Variants in TENM3 observed in about 807,000 individuals in gnomAD.
TENM3 encodes the protein teneurin-3.
A neutral mutation model predicts 255.1 loss-of-function variants in TENM3; 63 were observed. The observed-to-expected ratio is 0.25, with a 90% CI of 0.20 to 0.30. TENM3 has a LOEUF of 0.30. Ranked by LOEUF, TENM3 falls within the 10% of genes least tolerant of loss-of-function variation. The pLI, the probability that TENM3 is intolerant of heterozygous loss-of-function variation, is 1.00. For missense variants in TENM3, 2,929 were observed against 3,461.1 expected (o/e 0.85, Z 3.86); for synonymous variants, 1,306 against 1,322.3 (o/e 0.99, Z 0.27).
intron 3 of TENM3, among the ~76,000 whole-genome samples, chr4:182,369,338 C>A (rs138699381): frequency 3.7e-4 from 56 of 152,302 alleles, no homozygotes; most frequent in African/African-American, 1.3e-3. Flanking sequence ...GCTAAGGTCA[C>A]ACAGATACTG....
At chr4:181,980,941 AAGAAACAC>A in the TENM3 span, among the ~76,000 whole-genome samples, 750 of 152,310 alleles carry the variant, frequency 4.9e-3, 5 homozygotes, top group African/African-American at 0.018. Flanking sequence ...ATGATATTTC[AAGAAACAC>A]AGAACCACAA....
chr4:182,374,568 A>T, intron 3 of TENM3, among the ~76,000 whole-genome samples: 1 of 152,154 alleles, frequency 6.6e-6, no homozygotes, highest in East Asian at 1.9e-4. Flanking sequence ...CCATTTCCAA[A>T]TCACTTCCAA....
chr4:181,591,060 C>G, the TENM3 span, among the ~76,000 whole-genome samples: 1 of 152,214 alleles, frequency 6.6e-6, no homozygotes, highest in Non-Finnish European at 1.5e-5. Flanking sequence ...GAGTCTTATG[C>G]AACCTTTGGT....
At chr4:182,464,077 A>G (rs556306592) in intron 3 of TENM3, among the ~76,000 whole-genome samples, 3 of 152,350 alleles carry the variant, frequency 2.0e-5, no homozygotes, top group African/African-American at 7.2e-5. Flanking sequence ...ATAAACATAT[A>G]TAATTGTTCA....
chr4:182,636,371 C>G (rs1751843531), intron 5 of TENM3, among the ~76,000 whole-genome samples: 1 of 152,134 alleles, frequency 6.6e-6, no homozygotes, highest in African/African-American at 2.4e-5. Context: ...GTAAGCTCCT[C>G]CTCTCCCCAC....
intron 1 of TENM3, among the ~76,000 whole-genome samples, chr4:182,177,725 A>C (rs1752588375): frequency 6.6e-6 from 1 of 151,442 alleles, no homozygotes; most frequent in African/African-American, 2.4e-5. Context: ...ACAGGGTTTC[A>C]CCATGTTGTC....
the TENM3 span, among the ~76,000 whole-genome samples, chr4:182,100,874 T>TATATATACTCATATATATAC: frequency 1.3e-4 from 5 of 39,572 alleles, 2 homozygotes; most frequent in African/African-American, 7.3e-4. Flanking sequence ...TATATATATA[T>TATATATACTCATATATATAC]AGAGAGAGAG....
At chr4:181,555,064 G>A in the TENM3 span, among the ~76,000 whole-genome samples, 1 of 152,132 alleles carries the variant, frequency 6.6e-6, no homozygotes, top group Admixed American at 6.5e-5. Context: ...TTTAAAGTAT[G>A]AACCTTTTCT....
At chr4:181,956,911 T>C in the TENM3 span, among the ~76,000 whole-genome samples, 1 of 152,208 alleles carries the variant, frequency 6.6e-6, no homozygotes, top group African/African-American at 2.4e-5. Context: ...CAAGTTATGT[T>C]AGTAAGGAGA....
the TENM3 span, among the ~76,000 whole-genome samples, chr4:181,830,254 CT>C: frequency 3.9e-5 from 6 of 152,036 alleles, no homozygotes; most frequent in South Asian, 1.2e-3. Flanking sequence ...GCTGCTGCTG[CT>C]TTTTTTGTTT....
At chr4:182,412,212 T>C (rs1368624050) in intron 3 of TENM3, among the ~76,000 whole-genome samples, 4 of 152,116 alleles carry the variant, frequency 2.6e-5, no homozygotes, top group Non-Finnish European at 4.4e-5. Context: ...TGAGTGCAGA[T>C]ACTTCCAGAC....
At chr4:182,173,133 G>C (rs992139776) in intron 1 of TENM3, among the ~76,000 whole-genome samples, 8 of 152,162 alleles carry the variant, frequency 5.3e-5, no homozygotes, top group African/African-American at 1.9e-4. Flanking sequence ...TGTCAAATGG[G>C]AGTGGAGAAT....
chr4:182,736,872 C>T lies in TENM3; in HGVS notation c.3032C>T (p.Ala1011Val). The T allele has an allele frequency of 6.2e-7, 1 of 1,613,764 alleles. No individual in the cohort carries two copies. The highest frequency in any genetic ancestry group is 8.5e-7 in the Non-Finnish European group (1 of 1,179,740). ...AAACTCTCCTACTTGAGTTCCAGAG[C>T]TGCAGGGTATAAGTCAGTTCTCAAG... is the stretch of plus-strand genomic sequence containing the variant. Reference protein sequence around the residue: ...DLKLSYLSSRAAGYKSVLKIT... With the variant: ...DLKLSYLSSRVAGYKSVLKIT... The change falls in exon 17 of 28, where the codon GCT becomes GTT. Residue 1011 changes from alanine to valine, a missense_variant. Transcript: ENST00000511685.
At chr4:182,513,731 C>T (rs929326643) in intron 3 of TENM3, among the ~76,000 whole-genome samples, 10 of 152,116 alleles carry the variant, frequency 6.6e-5, no homozygotes, top group Non-Finnish European at 1.3e-4. Flanking sequence ...GGGACTGCCC[C>T]TCCTAGTGTT....
intron 5 of TENM3, among the ~76,000 whole-genome samples, chr4:182,653,546 A>G (rs903090170): frequency 6.6e-6 from 1 of 152,220 alleles, no homozygotes; most frequent in Non-Finnish European, 1.5e-5. Flanking sequence ...AGTGAATAGT[A>G]TTAAATCACT....
At chr4:182,409,861 G>C (rs1041890303) in intron 3 of TENM3, among the ~76,000 whole-genome samples, 10 of 147,542 alleles carry the variant, frequency 6.8e-5, no homozygotes, top group African/African-American at 2.3e-4. Flanking sequence ...ATCTCACTCT[G>C]TCATGTGGCT....
chr4:182,354,194 GT>G (rs1218372618), intron 3 of TENM3, among the ~76,000 whole-genome samples: 1 of 152,108 alleles, frequency 6.6e-6, no homozygotes, highest in Non-Finnish European at 1.5e-5. Flanking sequence ...TGTTCTAAGT[GT>G]TTTTGTTAAA....
chr4:181,620,662 TAAA>T, the TENM3 span, among the ~76,000 whole-genome samples: 2 of 127,396 alleles, frequency 1.6e-5, no homozygotes. Context: ...ACAGAGTCCT[TAAA>T]AAAAAAAAAA....
At chr4:182,358,966 A>C (rs1025918526) in intron 3 of TENM3, among the ~76,000 whole-genome samples, 2 of 151,796 alleles carry the variant, frequency 1.3e-5, no homozygotes, top group Admixed American at 6.6e-5. Flanking sequence ...TCCTGCATCT[A>C]TTGAGATAAT....
Sources: gnomAD v4.1 joint callset for allele counts (sites outside exome capture counted in the v4.1 genomes callset) on GRCh38, gnomAD v4.1.1 for gene constraint, MANE v1.5 for transcripts, NCBI Gene and HGNC (gene_info 2026-07-23, HGNC 2026-07-21) for gene names.